Variants in INPP4B observed in about 807,000 individuals in gnomAD.
INPP4B encodes inositol polyphosphate-4-phosphatase type II B.
A neutral mutation model predicts 122.5 loss-of-function variants in INPP4B; 55 were observed. That is an observed-to-expected ratio of 0.45 (90% CI 0.36 to 0.56). INPP4B has a LOEUF of 0.56. Ranked by LOEUF, INPP4B falls within the 20% of genes least tolerant of loss-of-function variation. INPP4B has a pLI of 0.00. For missense variants in INPP4B, 1,000 were observed against 1,097.7 expected (o/e 0.91, Z 1.26); for synonymous variants, 403 against 388.7 (o/e 1.04, Z -0.43).
rs115489738 is a variant in INPP4B at position 142,465,361 on chromosome 4, C to G, written c.-190-2635G>C. Among the ~76,000 whole-genome samples, 954 of 152,200 alleles carry G rather than the reference C, an allele frequency of 6.3e-3. 14 individuals carry two copies. The highest frequency in any genetic ancestry group is 0.022 in the African/African-American group (900 of 41,516). On this transcript the variant is annotated intron_variant, in intron 2 of 25. Transcript: ENST00000262992. ...TCACCTTAAATATACATCCCACAGA[C>G]TTAATGCAAACAAGACGTTATTTAA...
intron 2 of INPP4B, among the ~76,000 whole-genome samples, chr4:142,651,467 C>A (rs912278266): frequency 6.6e-6 from 1 of 151,950 alleles, no homozygotes. Flanking sequence ...AATTGATAGA[C>A]CACTAGCAAG....
chr4:142,720,775 C>CACATATATATATAA (rs1482887494), intron 2 of INPP4B, among the ~76,000 whole-genome samples: 1 of 13,160 alleles, frequency 7.6e-5, no homozygotes, highest in Admixed American at 1.1e-3. Context: ...CTCTCTCTCT[C>CACATATATATATAA]TCTCTCTCTC....
chr4:142,497,668 T>C (rs137937941), intron 2 of INPP4B, among the ~76,000 whole-genome samples: 75 of 152,324 alleles, frequency 4.9e-4, no homozygotes, highest in African/African-American at 1.6e-3. Flanking sequence ...ATTGGTTTGA[T>C]TTTAATTTCA....
chr4:142,158,763 A>C (rs1406799146), intron 17 of INPP4B, among the ~76,000 whole-genome samples: 1 of 151,336 alleles, frequency 6.6e-6, no homozygotes, highest in East Asian at 2.0e-4. Flanking sequence ...GGAAACAAGG[A>C]AGGAGAGGGA....
At chr4:142,507,275 T>A (rs1202880757) in intron 2 of INPP4B, among the ~76,000 whole-genome samples, 1 of 152,152 alleles carries the variant, frequency 6.6e-6, no homozygotes, top group African/African-American at 2.4e-5. Context: ...TTGCTCAAGC[T>A]AAATACTCAG....
chr4:142,159,675 A>T (rs1819049253), intron 17 of INPP4B, among the ~76,000 whole-genome samples: 1 of 151,988 alleles, frequency 6.6e-6, no homozygotes, highest in South Asian at 2.1e-4. Context: ...TTCTTGAATA[A>T]TTTATATGTA....
chr4:142,636,538 CTAAA>C (rs1474544236), intron 2 of INPP4B, among the ~76,000 whole-genome samples: 1 of 151,930 alleles, frequency 6.6e-6, no homozygotes, highest in Non-Finnish European at 1.5e-5. Flanking sequence ...AAAGAAGGCA[CTAAA>C]TAAATAGTGA....
chr4:142,734,731 CGCCT>C (rs1242979322), intron 1 of INPP4B, among the ~76,000 whole-genome samples: 5 of 152,096 alleles, frequency 3.3e-5, no homozygotes, highest in Admixed American at 1.3e-4. Flanking sequence ...CTGCAACCTC[CGCCT>C]CCCGGGATCG....
intron 25 of INPP4B, among the ~76,000 whole-genome samples, chr4:142,077,098 T>C (rs1478038978): frequency 6.6e-6 from 1 of 152,022 alleles, no homozygotes. Context: ...AGGCGCAACA[T>C]GTTGAGAATA....
intron 12 of INPP4B, among the ~76,000 whole-genome samples, chr4:142,233,217 TGA>T (rs144982725): frequency 0.11 from 15,937 of 143,728 alleles, 906 homozygotes; most frequent in Middle Eastern, 0.14. Flanking sequence ...TGTGTGTGTG[TGA>T]GTGAGTGTAT....
chr4:142,152,423 T>TTA (rs886265980), intron 17 of INPP4B, among the ~76,000 whole-genome samples: 1 of 152,046 alleles, frequency 6.6e-6, no homozygotes, highest in Non-Finnish European at 1.5e-5. Flanking sequence ...GTAATGACTA[T>TTA]TATTTTTTAA....
At chr4:142,503,458 AGAAT>A (rs1823637637) in intron 2 of INPP4B, among the ~76,000 whole-genome samples, 1 of 152,212 alleles carries the variant, frequency 6.6e-6, no homozygotes, top group South Asian at 2.1e-4. Context: ...TAATAAAAAC[AGAAT>A]GAGACATATG....
intron 11 of INPP4B, among the ~76,000 whole-genome samples, chr4:142,247,778 G>A (rs1481461800): frequency 2.0e-5 from 3 of 151,994 alleles, no homozygotes; most frequent in Non-Finnish European, 4.4e-5. Flanking sequence ...GGTTTTTTGT[G>A]TCTCTCTCTC....
chr4:142,049,917 A>C (rs1296466428), intron 25 of INPP4B, among the ~76,000 whole-genome samples: 1 of 152,018 alleles, frequency 6.6e-6, no homozygotes, highest in African/African-American at 2.4e-5. Context: ...AAGATACATT[A>C]AAATACAAAG....
intron 2 of INPP4B, among the ~76,000 whole-genome samples, chr4:142,509,114 C>A (rs1310147066): frequency 2.0e-5 from 3 of 152,180 alleles, no homozygotes; most frequent in Non-Finnish European, 2.9e-5. Flanking sequence ...TACAGAGTAT[C>A]AAATGATGTT....
intron 23 of INPP4B, among the ~76,000 whole-genome samples, chr4:142,089,113 T>C (rs1285387817): frequency 6.6e-6 from 1 of 152,082 alleles, no homozygotes; most frequent in Non-Finnish European, 1.5e-5. Context: ...CTTGGAGTGG[T>C]TAGTCCTGGG....
chr4:142,616,964 G>A (rs1344074244), intron 2 of INPP4B, among the ~76,000 whole-genome samples: 1 of 151,974 alleles, frequency 6.6e-6, no homozygotes. Context: ...AGGGTATGAG[G>A]AATTAAATAC....
intron 15 of INPP4B, among the ~76,000 whole-genome samples, chr4:142,176,155 T>TTATTATTATTAC (rs59454837): frequency 6.7e-6 from 1 of 148,208 alleles, no homozygotes; most frequent in East Asian, 2.0e-4. Context: ...ATTATTATTA[T>TTATTATTATTAC]ACTTTAAGTT....
intron 9 of INPP4B, among the ~76,000 whole-genome samples, chr4:142,294,150 A>G (rs1174346595): frequency 1.3e-5 from 2 of 152,222 alleles, no homozygotes; most frequent in East Asian, 3.8e-4. Context: ...ATTATGCAAT[A>G]TATCATGTAT....
Sources: gnomAD v4.1 joint callset for allele counts (sites outside exome capture counted in the v4.1 genomes callset) on GRCh38, gnomAD v4.1.1 for gene constraint, MANE v1.5 for transcripts, NCBI Gene and HGNC (gene_info 2026-07-23, HGNC 2026-07-21) for gene names.